LRCH1: variants seen among roughly 807,000 people sequenced by gnomAD.
LRCH1 encodes the protein leucine rich repeats and calponin homology domain containing 1, also known as leucine-rich repeat and calponin homology domain-containing protein 1.
In LRCH1, 23 loss-of-function variants were observed where a neutral mutation model predicts 94.9. The ratio of observed to expected loss-of-function variants is 0.24; its 90% CI spans 0.17 to 0.34. The LOEUF is 0.34. Ranked by LOEUF, LRCH1 falls within the 10% of genes least tolerant of loss-of-function variation. The pLI, the probability that LRCH1 is intolerant of heterozygous loss-of-function variation, is 1.00. For synonymous variants in LRCH1, 364 were observed against 354.9 expected (o/e 1.03, Z -0.29); for missense variants, 790 against 945.9 (o/e 0.84, Z 2.16).
At chr13:46,636,389 A>G (rs2051090102) in intron 1 of LRCH1, among the ~76,000 whole-genome samples, 1 of 152,116 alleles carries the variant, frequency 6.6e-6, no homozygotes, top group African/African-American at 2.4e-5. Flanking sequence ...ACCATTCTTA[A>G]GTGTGCAATT....
At chr13:46,751,766 A>T (rs1874151387) in exon 19 of LRCH1, 1 of 152,238 alleles carries the variant, frequency 6.6e-6, no homozygotes, top group Admixed American at 6.5e-5. Flanking sequence ...TTGATTGTTG[A>T]ACCAAAAAGG....
chr13:46,643,163 A>G (rs2051179628), intron 1 of LRCH1, among the ~76,000 whole-genome samples: 2 of 151,966 alleles, frequency 1.3e-5, no homozygotes, highest in Admixed American at 1.3e-4. Context: ...GCTCCCTCTT[A>G]TTTGGTTGCC....
intron 3 of LRCH1, among the ~76,000 whole-genome samples, chr13:46,669,963 A>G (rs1189116007): frequency 6.6e-6 from 1 of 152,210 alleles, no homozygotes; most frequent in Non-Finnish European, 1.5e-5. Flanking sequence ...AGTAGATTCC[A>G]GTCTAGAACA....
At chr13:46,608,787 A>G (rs2050715227) in intron 1 of LRCH1, among the ~76,000 whole-genome samples, 1 of 152,234 alleles carries the variant, frequency 6.6e-6, no homozygotes, top group African/African-American at 2.4e-5. Context: ...GGTTTCTAAA[A>G]ATAGATTTCT....
At chr13:46,568,993 G>A (rs2050214144) in intron 1 of LRCH1, among the ~76,000 whole-genome samples, 1 of 152,188 alleles carries the variant, frequency 6.6e-6, no homozygotes, top group Non-Finnish European at 1.5e-5. Context: ...CAGAATAACT[G>A]AGGCTTTATT....
At chr13:46,718,519 A>G (rs1872437146) in intron 16 of LRCH1, among the ~76,000 whole-genome samples, 1 of 152,176 alleles carries the variant, frequency 6.6e-6, no homozygotes, top group Non-Finnish European at 1.5e-5. Context: ...AGCACTGGTC[A>G]TTTGTTTTAC....
At chr13:46,574,364 A>G (rs2050278115) in intron 1 of LRCH1, among the ~76,000 whole-genome samples, 2 of 152,170 alleles carry the variant, frequency 1.3e-5, no homozygotes, top group Admixed American at 1.3e-4. Flanking sequence ...AAAAATTAAC[A>G]TTAAAAAATA....
chr13:46,621,281 C>T (rs532118204), intron 1 of LRCH1, among the ~76,000 whole-genome samples: 1 of 152,338 alleles, frequency 6.6e-6, no homozygotes, highest in South Asian at 2.1e-4. Flanking sequence ...ATCTTTCCCA[C>T]TTAGCTGTGA....
intron 18 of LRCH1, among the ~76,000 whole-genome samples, chr13:46,729,720 TG>T (rs1350588790): frequency 6.6e-6 from 1 of 152,188 alleles, no homozygotes; most frequent in African/African-American, 2.4e-5. Flanking sequence ...CCTTCTAAAT[TG>T]AATCTTTTTC....
chr13:46,629,705 G>C (rs2050996168), intron 1 of LRCH1, among the ~76,000 whole-genome samples: 1 of 152,216 alleles, frequency 6.6e-6, no homozygotes, highest in Admixed American at 6.5e-5. Flanking sequence ...GAACACAAAT[G>C]AGGAGCCAGC....
intron 5 of LRCH1, among the ~76,000 whole-genome samples, chr13:46,687,372 A>G (rs573773792): frequency 6.6e-5 from 10 of 152,366 alleles, no homozygotes; most frequent in African/African-American, 2.4e-4. Context: ...CATGAGAGAA[A>G]AATGAAGTGC....
rs902295161 is a variant in LRCH1, at chr13:46,715,671, G to A, written c.1759+7G>A. On this transcript the variant is annotated splice_region_variant and intron_variant, in intron 16 of 19. Coordinates refer to ENST00000389797, the MANE Select transcript of LRCH1 (RefSeq NM_001164211.2). Reference sequence around the variant, plus strand: ...GAAGGAGACAGTGACAATGGTAGGTGGCTTTGTACCTATTCTCCAATGTTC... The same window carrying A: ...GAAGGAGACAGTGACAATGGTAGGTAGCTTTGTACCTATTCTCCAATGTTC... The A allele has an allele frequency of 4.6e-6, 7 of 1,505,682 alleles. No homozygotes were observed. In the South Asian group the frequency reaches 8.4e-5, roughly 18 times the overall value. 93.3% of individuals were successfully genotyped at this position (1,505,682 alleles called of 1,614,324 possible).
chr13:46,647,865 T>C (rs2051242692), intron 1 of LRCH1, among the ~76,000 whole-genome samples: 1 of 151,710 alleles, frequency 6.6e-6, no homozygotes, highest in Admixed American at 6.6e-5. Flanking sequence ...GTCTTTTCCC[T>C]GTTGATTTGA....
At chr13:46,656,163 A>G (rs991056146) in intron 2 of LRCH1, among the ~76,000 whole-genome samples, 1 of 152,230 alleles carries the variant, frequency 6.6e-6, no homozygotes, top group African/African-American at 2.4e-5. Flanking sequence ...TTGGATTGGG[A>G]CAAGTGTCTT....
chr13:46,607,782 G>T (rs977363680), intron 1 of LRCH1, among the ~76,000 whole-genome samples: 16 of 152,004 alleles, frequency 1.1e-4, no homozygotes, highest in African/African-American at 3.9e-4. Flanking sequence ...TATTAACCAG[G>T]TGAGCAACTT....
Position 46,700,974 on chromosome 13 carries a change from T to C in LRCH1, c.1314-147T>C, listed in dbSNP as rs113429276. 2,131 of 612,970 alleles carry C rather than the reference T, an allele frequency of 3.5e-3. 20 individuals carry two copies. The highest frequency in any genetic ancestry group is 0.035 in the African/African-American group (1,867 of 53,786). The allele number at this position is 612,970 out of a possible 1,614,324, so 38.0% of individuals were successfully genotyped here. A position where few individuals can be genotyped will look rare whatever the true frequency, so the allele number is the denominator to read the frequency against. ...TGCTCTGCCATCCCACCCCACAAGG[T>C]ACAAACACATTTTCACCATAACACT... On this transcript the variant is annotated intron_variant, in intron 10 of 19. Coordinates refer to ENST00000389797, the MANE Select transcript of LRCH1 (RefSeq NM_001164211.2).
chr13:46,743,067 T>A lies in LRCH1; in HGVS notation c.*1219T>A. Reference sequence around the variant, plus strand: ...GTCTTTGTATAATATGAGAGGGCCTTGTTCCAAGGTCAAGGCAGCCTCCTT... The same window carrying A: ...GTCTTTGTATAATATGAGAGGGCCTAGTTCCAAGGTCAAGGCAGCCTCCTT... On this transcript the variant is annotated 3_prime_UTR_variant, in exon 20 of 20. Coordinates refer to ENST00000389797, the MANE Select transcript of LRCH1 (RefSeq NM_001164211.2). 3 of 985,446 alleles carry A rather than the reference T, an allele frequency of 3.0e-6. 1 individual carries two copies. Among genetic ancestry groups the A allele is most frequent in the Middle Eastern group, 5.2e-4 (1 of 1,914 alleles). 61.0% of individuals were successfully genotyped at this position (985,446 alleles called of 1,614,324 possible). A position where few individuals can be genotyped will look rare whatever the true frequency, so the allele number is the denominator to read the frequency against.
intron 1 of LRCH1, among the ~76,000 whole-genome samples, chr13:46,564,507 G>A (rs2050161757): frequency 6.6e-6 from 1 of 152,266 alleles, no homozygotes; most frequent in South Asian, 2.1e-4. Flanking sequence ...AGGGGTCGGA[G>A]GTTCCCCACA....
At chr13:46,578,675 C>T (rs1420486705) in intron 1 of LRCH1, among the ~76,000 whole-genome samples, 2 of 152,220 alleles carry the variant, frequency 1.3e-5, no homozygotes, top group Admixed American at 6.5e-5. Flanking sequence ...ACTGAAACAG[C>T]TTAGCAACTG....
Sources: allele counts gnomAD v4.1 joint callset (sites outside exome capture counted in the v4.1 genomes callset), GRCh38; gene constraint gnomAD v4.1.1; transcripts MANE v1.5; gene names NCBI Gene and HGNC (gene_info 2026-07-23, HGNC 2026-07-21).